KIF4A: variants seen among roughly 807,000 people sequenced by gnomAD.
KIF4A encodes the protein kinesin family member 4A, also known as chromosome-associated kinesin KIF4A.
In KIF4A, 7 loss-of-function variants were observed where a neutral mutation model predicts 105.9. The ratio of observed to expected loss-of-function variants is 0.07; its 90% CI spans 0.04 to 0.12. The LOEUF is 0.12. Among genes scored for constraint, KIF4A ranks in the 10% least tolerant of loss-of-function variants. The pLI is 1.00. For missense variants in KIF4A, 558 were observed against 929.2 expected (o/e 0.60, Z 5.19); for synonymous variants, 281 against 331.3 (o/e 0.85, Z 1.65).
At chrX:70,407,512 C>T (rs1232079850) in intron 28 of KIF4A, among the ~76,000 whole-genome samples, 8 of 111,496 alleles carry the variant, frequency 7.2e-5, no homozygotes, top group Non-Finnish European at 1.5e-4. Flanking sequence ...CTTTAGCTAT[C>T]ATTTAGAGGC....
intron 13 of KIF4A, among the ~76,000 whole-genome samples, chrX:70,351,301 C>T (rs1014611887): frequency 8.9e-6 from 1 of 112,261 alleles, no homozygotes; most frequent in Non-Finnish European, 1.9e-5. Context: ...TCACCATCCC[C>T]CAACCCTTTC....
intron 15 of KIF4A, among the ~76,000 whole-genome samples, chrX:70,365,129 A>T (rs1288747699): frequency 1.8e-5 from 2 of 112,018 alleles, no homozygotes; most frequent in African/African-American, 6.5e-5. Flanking sequence ...TTATCAGCTT[A>T]AGGAGATTAT....
chrX:70,411,247 T>A (rs1354508975), intron 28 of KIF4A, among the ~76,000 whole-genome samples: 1 of 109,183 alleles, frequency 9.2e-6, no homozygotes, highest in African/African-American at 3.3e-5. Flanking sequence ...ACTATGATTG[T>A]GCCACTGCAC....
rs2086361776 is a variant in KIF4A, at chrX:70,420,239, T to C, written c.3673T>C (p.Ser1225Pro). The change falls in exon 31 of 31, where the codon TCC becomes CCC. Residue 1225 changes from serine to proline, a missense_variant. Physicochemically the swap from Ser to Pro is moderately conservative, Grantham distance 74. Transcript: ENST00000374403. ...ASNTSFFSGC[S>P]PIEEEAH is the part of the protein sequence containing the mutation. ...CAACACCAGCTTCTTCTCTGGCTGC[T>C]CCCCTATCGAAGAAGAGGCCCACTG... 1 of 1,206,608 alleles carries C rather than the reference T, an allele frequency of 8.3e-7. No individual in the cohort carries two copies. The highest frequency in any genetic ancestry group is 1.8e-5 in the African/African-American group (1 of 56,897).
intron 15 of KIF4A, among the ~76,000 whole-genome samples, chrX:70,368,841 C>T (rs945909587): frequency 3.6e-5 from 4 of 112,128 alleles, no homozygotes; most frequent in African/African-American, 1.3e-4. Flanking sequence ...TGCCCTGCCC[C>T]CAGAGGTGGA....
At chrX:70,405,804 T>A (rs1184738742) in intron 25 of KIF4A, 24 bp from the exon 26 acceptor site, 2 of 1,149,499 alleles carry the variant, frequency 1.7e-6, no homozygotes, top group East Asian at 6.0e-5. Context: ...TAACCCCATA[T>A]ATCACTGCAC....
chrX:70,320,236 A>G (rs2085885562), intron 7 of KIF4A, among the ~76,000 whole-genome samples: 1 of 111,535 alleles, frequency 9.0e-6, no homozygotes, highest in South Asian at 3.8e-4. Flanking sequence ...TGTTCCTGCC[A>G]CCTCTACAAA....
intron 18 of KIF4A, among the ~76,000 whole-genome samples, chrX:70,384,671 C>T (rs980686295): frequency 1.8e-5 from 2 of 110,661 alleles, no homozygotes; most frequent in East Asian, 5.7e-4. Context: ...TTGCAGTGAG[C>T]AGAGATCGAG....
chrX:70,393,975 A>G (rs1156757502), intron 20 of KIF4A, among the ~76,000 whole-genome samples: 1 of 102,292 alleles, frequency 9.8e-6, no homozygotes, highest in Non-Finnish European at 2.0e-5. Flanking sequence ...AAATGATTCT[A>G]CTACTTCATC....
intron 7 of KIF4A, among the ~76,000 whole-genome samples, chrX:70,318,470 G>A (rs990085079): frequency 9.0e-6 from 1 of 111,395 alleles, no homozygotes; most frequent in African/African-American, 3.3e-5. Flanking sequence ...TGTCAACAAC[G>A]CCCATATGAA....
At chrX:70,350,544 G>T (rs1388475868) in intron 13 of KIF4A, among the ~76,000 whole-genome samples, 1 of 109,656 alleles carries the variant, frequency 9.1e-6, no homozygotes, top group Non-Finnish European at 1.9e-5. Context: ...AGGGAGCTGG[G>T]TGTGGTGGTG....
intron 15 of KIF4A, among the ~76,000 whole-genome samples, chrX:70,369,085 A>G (rs987389532): frequency 8.9e-6 from 1 of 112,501 alleles, no homozygotes; most frequent in Non-Finnish European, 1.9e-5. Flanking sequence ...GCCATTTGCT[A>G]AGACCTTTGG....
In KIF4A at chrX:70,316,422, A is replaced by G. The variant is rs1454760810; in HGVS notation, c.779-12983A>G. On this transcript the variant is annotated intron_variant, in intron 7 of 30. Coordinates refer to ENST00000374403, the MANE Select transcript of KIF4A (RefSeq NM_012310.5). ...TACTTTTTGTTGTGATTTTGAATAT[A>G]AAACATATTTAGGCCACTGCCAGAT... Among the ~76,000 whole-genome samples the G allele has an allele frequency of 5.4e-5, 6 of 111,415 alleles. No individual in the cohort carries two copies. The East Asian group carries it at 1.7e-3, about 31-fold the overall frequency.
chrX:70,400,942 T>C (rs947072329), intron 22 of KIF4A, among the ~76,000 whole-genome samples: 3 of 108,235 alleles, frequency 2.8e-5, no homozygotes, highest in Non-Finnish European at 5.7e-5. Context: ...TAATTTTTTG[T>C]ATTTTTAGTA....
intron 28 of KIF4A, among the ~76,000 whole-genome samples, chrX:70,413,414 A>G (rs1314881906): frequency 3.6e-5 from 4 of 109,760 alleles, no homozygotes; most frequent in African/African-American, 1.3e-4. Context: ...TGGGCGGATC[A>G]CTTGATGTCA....
chrX:70,362,238 A>T, intron 15 of KIF4A: 1 of 355,890 alleles, frequency 2.8e-6, no homozygotes, highest in Non-Finnish European at 5.6e-6. Context: ...GGCCTTCCCC[A>T]TTGAGGAGAT....
chrX:70,321,189 C>T (rs978720903), intron 7 of KIF4A, among the ~76,000 whole-genome samples: 10 of 110,971 alleles, frequency 9.0e-5, no homozygotes, highest in Non-Finnish European at 1.9e-4. Context: ...GTCAGGTCCC[C>T]ACAACATGCC....
At chrX:70,349,711 C>G (rs757964915) in intron 13 of KIF4A, among the ~76,000 whole-genome samples, 1 of 64,708 alleles carries the variant, frequency 1.5e-5, no homozygotes, top group Non-Finnish European at 2.7e-5. Context: ...CGGGCAGAGA[C>G]GCTCCTCACC....
chrX:70,342,888 G>A (rs1354875812), intron 11 of KIF4A, among the ~76,000 whole-genome samples: 5 of 112,373 alleles, frequency 4.4e-5, no homozygotes, highest in South Asian at 3.7e-4. Flanking sequence ...ATACTCATCC[G>A]ACCTTTATAA....
Sources: gnomAD v4.1 joint callset for allele counts (sites outside exome capture counted in the v4.1 genomes callset) on GRCh38, gnomAD v4.1.1 for gene constraint, MANE v1.5 for transcripts, NCBI Gene and HGNC (gene_info 2026-07-23, HGNC 2026-07-21) for gene names.